Variants in RAD54L2 observed in about 807,000 individuals in gnomAD.
RAD54L2 encodes the protein RAD54 like 2, also known as helicase ARIP4.
Under a neutral mutation model 138.4 loss-of-function variants are expected in RAD54L2, and 27 were observed. The ratio of observed to expected loss-of-function variants is 0.20; its 90% CI spans 0.14 to 0.27. The LOEUF (loss-of-function observed/expected upper bound fraction) is 0.27, where lower values mean the gene tolerates loss of function less well. Among genes scored for constraint, RAD54L2 ranks in the 10% least tolerant of loss-of-function variants. The pLI is 1.00. For synonymous variants in RAD54L2, 644 were observed against 723.2 expected (o/e 0.89, Z 1.76); for missense variants, 1,396 against 1,890.2 (o/e 0.74, Z 4.85).
At chr3:51,607,719 C>G in intron 3 of RAD54L2, among the ~76,000 whole-genome samples, 1 of 149,098 alleles carries the variant, frequency 6.7e-6, no homozygotes, top group South Asian at 2.1e-4. Context: ...GACGGGGCGG[C>G]GGCCGGGCAG....
chr3:51,605,842 T>C (rs1482489781), intron 3 of RAD54L2, among the ~76,000 whole-genome samples: 1 of 152,202 alleles, frequency 6.6e-6, no homozygotes, highest in African/African-American at 2.4e-5. Flanking sequence ...ATTGCCTTTC[T>C]CTCTGCAGCT....
rs1698890353 is a variant in RAD54L2, at chr3:51,553,377, A to C, written c.-55+11727A>C. 2.0e-5 allele frequency among the ~76,000 whole-genome samples: 3 copies of C among 152,144 alleles called. No individual in the cohort carries two copies. In the South Asian group the frequency reaches 6.2e-4, roughly 32 times the overall value. ...AGGCGTGAGCCACTGCACCCAGCTT[A>C]ACTTTGGTTTTAATAATAATAATCA... On this transcript the variant is annotated intron_variant, in intron 2 of 22. Coordinates refer to ENST00000684192, the MANE Select transcript of RAD54L2 (RefSeq NM_015106.4).
Position 51,645,979 on chromosome 3 carries a change from A to G in RAD54L2, c.2829+216A>G, listed in dbSNP as rs987844069. On this transcript the variant is annotated intron_variant, in intron 18 of 22. Coordinates refer to ENST00000684192, the MANE Select transcript of RAD54L2 (RefSeq NM_015106.4). This position sits in a 1 kb window ranked among gnomAD's most constrained non-coding sequence, Gnocchi z 6.1. ...CTGGGAGTGCTAAGGTTAGCCATGT[A>G]TAGTAATTTGGCCAGTGAGTCTTCT... Among the ~76,000 whole-genome samples, 3 of 152,132 alleles carry G rather than the reference A, an allele frequency of 2.0e-5. No individual in the cohort carries two copies. The highest frequency in any genetic ancestry group is 4.4e-5 in the Non-Finnish European group (3 of 68,026).
rs138075080 is a variant in RAD54L2 at position 51,622,030 on chromosome 3, G to A, written c.140-5523G>A. Among the ~76,000 whole-genome samples, 421 of 152,272 alleles carry A rather than the reference G, an allele frequency of 2.8e-3. 6 individuals carry two copies. The highest frequency in any genetic ancestry group is 9.1e-3 in the African/African-American group (379 of 41,548). ...CAGCAGTATTATGTGAAAATGCTGTGGAAGTGTTAGGTCTTTGGAGGGGTA... is the reference window on the plus strand; with the variant it reads ...CAGCAGTATTATGTGAAAATGCTGTAGAAGTGTTAGGTCTTTGGAGGGGTA... On this transcript the variant is annotated intron_variant, in intron 3 of 22. Coordinates refer to ENST00000684192, the MANE Select transcript of RAD54L2 (RefSeq NM_015106.4).
In RAD54L2 at chr3:51,590,478, G is replaced by A; in HGVS notation, c.58G>A (p.Glu20Lys). Reference protein sequence around the residue: ...DPDLDPDVELEDAEEEEEEEE... With the variant: ...DPDLDPDVELKDAEEEEEEEE... ...AGACCTGGACCCGGACGTGGAGCTG[G>A]AGGATGCGGAAGAGGAGGAGGAGGA... The change falls in exon 3 of 23, where the codon GAG becomes AAG. Residue 20 changes from glutamate (E) to lysine (K), a missense_variant. By Grantham distance (56) the Glu-to-Lys change is moderately conservative. Coordinates refer to ENST00000684192, the MANE Select transcript of RAD54L2 (RefSeq NM_015106.4). The A allele has an allele frequency of 1.9e-6, 3 of 1,552,268 alleles. No homozygotes were observed. Among genetic ancestry groups the A allele is most frequent in the Non-Finnish European group, 2.6e-6 (3 of 1,147,082 alleles).
At chr3:51,639,379 T>G (rs1445621618) in intron 12 of RAD54L2, 40 bp from the exon 13 acceptor site, 7 of 1,607,864 alleles carry the variant, frequency 4.4e-6, no homozygotes, top group Non-Finnish European at 6.0e-6. Flanking sequence ...CTTGGAATGT[T>G]TTTTGTCCTG....
At chr3:51,558,616 A>G (rs1699027684) in intron 2 of RAD54L2, among the ~76,000 whole-genome samples, 1 of 152,034 alleles carries the variant, frequency 6.6e-6, no homozygotes, top group Non-Finnish European at 1.5e-5. Context: ...GACCACAGAC[A>G]TGTACCACTA....
rs746989086 is a variant in RAD54L2, at chr3:51,645,123, A to G, written c.2550A>G (p.Val850=). 3.7e-6 allele frequency: 6 copies of G among 1,613,978 alleles called. No homozygotes were observed. Among genetic ancestry groups the G allele is most frequent in the South Asian group, 3.3e-5 (3 of 91,080 alleles). ...ATGATGCCCAGGCAGTATGTCGGGT[A>G]TACCGTTATGGCCAGAAAAAGCCCT... ...PCHDAQAVCR[V]YRYGQKKPCY... The change falls in exon 17 of 23, where the codon GTA becomes GTG. Residue 850 remains valine, a synonymous_variant. Coordinates refer to ENST00000684192, the MANE Select transcript of RAD54L2 (RefSeq NM_015106.4). This position sits in a 1 kb window ranked among gnomAD's most constrained non-coding sequence, Gnocchi z 6.1.
intron 2 of RAD54L2, among the ~76,000 whole-genome samples, chr3:51,551,359 C>G (rs778652438): frequency 6.6e-6 from 1 of 151,970 alleles, no homozygotes; most frequent in Non-Finnish European, 1.5e-5. Context: ...TCTTGAACTC[C>G]TGGGCTCAAG....
chr3:51,661,890 TTAAAGA>T (rs1410235857), intron 22 of RAD54L2, among the ~76,000 whole-genome samples: 1 of 152,202 alleles, frequency 6.6e-6, no homozygotes, highest in Non-Finnish European at 1.5e-5. Flanking sequence ...TCTGCTAAGA[TTAAAGA>T]TATTCTGTTC....
At chr3:51,634,125 C>T (rs540869048) in intron 9 of RAD54L2, 90 bp downstream of exon 9, 90 of 1,447,914 alleles carry the variant, frequency 6.2e-5, no homozygotes, top group Admixed American at 3.9e-4. Context: ...AGTGTGTAGC[C>T]TGTGCATCTA....
At chr3:51,616,103 C>T (rs1446967574) in intron 3 of RAD54L2, among the ~76,000 whole-genome samples, 2 of 152,068 alleles carry the variant, frequency 1.3e-5, no homozygotes, top group Non-Finnish European at 2.9e-5. Flanking sequence ...CCATAACCTT[C>T]AATATTTATC....
At chr3:51,590,326 C>T (rs926840510) in intron 2 of RAD54L2, 41 bp from the exon 3 acceptor site, 11 of 1,383,814 alleles carry the variant, frequency 7.9e-6, no homozygotes, top group African/African-American at 1.5e-5. Flanking sequence ...TGTTCCTAAG[C>T]AAAACCCTTG....
In RAD54L2 at chr3:51,666,854, C is replaced by T. The variant is rs1701922075; in HGVS notation, c.*3434C>T. 1.3e-5 allele frequency: 2 copies of T among 152,036 alleles called. No individual in the cohort carries two copies. Among genetic ancestry groups the T allele is most frequent in the South Asian group, 4.1e-4 (2 of 4,820 alleles). The allele number at this position is 152,036 out of a possible 1,614,324, so 9.4% of individuals were successfully genotyped here. A position where few individuals can be genotyped will look rare whatever the true frequency, so the allele number is the denominator to read the frequency against. On this transcript the variant is annotated 3_prime_UTR_variant, in exon 23 of 23. Transcript: ENST00000684192. ...ATATGCTTGTGATCCTTGGAGCTCT[C>T]TTCCCTAGGAATTAGTGTGTGGAGT...
intron 3 of RAD54L2, among the ~76,000 whole-genome samples, chr3:51,603,755 CCTTAA>C (rs1700124294): frequency 6.6e-6 from 1 of 152,042 alleles, no homozygotes; most frequent in Admixed American, 6.6e-5. Flanking sequence ...GAACTCCTGG[CCTTAA>C]CTTGTACTCC....
intron 2 of RAD54L2, among the ~76,000 whole-genome samples, chr3:51,570,349 GGCC>G (rs1175448336): frequency 4.0e-5 from 6 of 150,270 alleles, no homozygotes; most frequent in Non-Finnish European, 7.4e-5. Flanking sequence ...TCACCATCTT[GGCC>G]AGGCTGGTCT....
At chr3:51,545,931 C>CTTTTTTTT (rs781819728) in intron 2 of RAD54L2, among the ~76,000 whole-genome samples, 4 of 79,454 alleles carry the variant, frequency 5.0e-5, no homozygotes, top group African/African-American at 1.0e-4. Context: ...TACATCAATT[C>CTTTTTTTT]TTTTTTTTTT....
rs982988178 is a variant in RAD54L2, at chr3:51,663,677, T to C, written c.*257T>C. 2.2e-6 allele frequency: 1 copy of C among 463,788 alleles called. No individual in the cohort carries two copies. Among genetic ancestry groups the C allele is most frequent in the Non-Finnish European group, 3.8e-6 (1 of 263,192 alleles). The allele number at this position is 463,788 out of a possible 1,614,324, so 28.7% of individuals were successfully genotyped here. On this transcript the variant is annotated 3_prime_UTR_variant, in exon 23 of 23. Coordinates refer to ENST00000684192, the MANE Select transcript of RAD54L2 (RefSeq NM_015106.4). ...ACCCAAAACAGGGATGGAGGGGCAGTGCAGCCTCTTTTCCTTCCTGCCTTG... is the reference window on the plus strand; with the variant it reads ...ACCCAAAACAGGGATGGAGGGGCAGCGCAGCCTCTTTTCCTTCCTGCCTTG...
intron 7 of RAD54L2, among the ~76,000 whole-genome samples, chr3:51,633,333 C>G (rs929005493): frequency 2.0e-5 from 3 of 152,196 alleles, no homozygotes; most frequent in Non-Finnish European, 4.4e-5. Flanking sequence ...GAATTTGACA[C>G]TACCGATTCA....
Sources: allele counts gnomAD v4.1 joint callset (sites outside exome capture counted in the v4.1 genomes callset), GRCh38; gene constraint gnomAD v4.1.1; non-coding constraint Gnocchi (gnomAD v3.1); transcripts MANE v1.5; gene names NCBI Gene and HGNC (gene_info 2026-07-23, HGNC 2026-07-21).